NFIB: variants seen among roughly 807,000 people sequenced by gnomAD.
NFIB encodes nuclear factor 1 B-type.
A neutral mutation model predicts 61.5 loss-of-function variants in NFIB; 11 were observed. That is an observed-to-expected ratio of 0.18 (90% CI 0.11 to 0.30). The LOEUF (loss-of-function observed/expected upper bound fraction) is 0.30, where lower values mean the gene tolerates loss of function less well. NFIB is among the 10% of genes least tolerant of loss of function. NFIB has a pLI of 1.00. For missense variants in NFIB, 471 were observed against 608.9 expected (o/e 0.77, Z 2.38); for synonymous variants, 260 against 216.5 (o/e 1.20, Z -1.76).
the NFIB span, among the ~76,000 whole-genome samples, chr9:14,461,708 A>C: frequency 1.7e-3 from 255 of 152,270 alleles, no homozygotes; most frequent in Non-Finnish European, 1.7e-3. Flanking sequence ...GTTTAATTCC[A>C]TCTATTCAGC....
At chr9:14,225,456 C>CAAAAAAAAAAAAAAAAAAAAAAAAAAAA (rs1228589594) in intron 2 of NFIB, among the ~76,000 whole-genome samples, 2 of 58,014 alleles carry the variant, frequency 3.4e-5, no homozygotes, top group African/African-American at 4.5e-5. Flanking sequence ...GACTCCGTCT[C>CAAAAAAAAAAAAAAAAAAAAAAAAAAAA]AAAAAAAAAA....
chr9:14,229,599 T>C (rs1265196484), intron 2 of NFIB, among the ~76,000 whole-genome samples: 6 of 152,228 alleles, frequency 3.9e-5, no homozygotes. Context: ...TCTTCCTTTC[T>C]GCTGAGGAAG....
At chr9:14,386,087 G>A (rs997696073) in intron 1 of NFIB, among the ~76,000 whole-genome samples, 17 of 152,208 alleles carry the variant, frequency 1.1e-4, no homozygotes, top group East Asian at 5.8e-4. Context: ...TCGGTGACAC[G>A]GTGGAATTTT....
At chr9:14,315,045 G>A (rs1210720506), upstream of NFIB, among the ~76,000 whole-genome samples, 1 of 151,846 alleles carries the variant, frequency 6.6e-6, no homozygotes, top group Non-Finnish European at 1.5e-5. Context: ...CCCGGGGCGG[G>A]CTCAGTCCGC....
chr9:14,392,308 G>C (rs1275328885), intron 1 of NFIB, among the ~76,000 whole-genome samples: 2 of 152,212 alleles, frequency 1.3e-5, no homozygotes, highest in African/African-American at 4.8e-5. Flanking sequence ...ATTGGTTTCT[G>C]AATTGTGACA....
At chr9:14,347,958 C>T (rs1173220174) in intron 1 of NFIB, among the ~76,000 whole-genome samples, 2 of 152,160 alleles carry the variant, frequency 1.3e-5, no homozygotes, top group Non-Finnish European at 2.9e-5. Context: ...CTGGTCTCCG[C>T]GCACCACGTG....
the NFIB span, among the ~76,000 whole-genome samples, chr9:14,491,515 G>A: frequency 6.6e-6 from 1 of 152,210 alleles, no homozygotes; most frequent in Non-Finnish European, 1.5e-5. Flanking sequence ...ATAGGGCTGA[G>A]AGAAAGTCAT....
At chr9:14,245,162 A>C (rs2054775593) in intron 2 of NFIB, among the ~76,000 whole-genome samples, 1 of 152,180 alleles carries the variant, frequency 6.6e-6, no homozygotes, top group South Asian at 2.1e-4. Flanking sequence ...TAGAAGAAAA[A>C]AACTGAACAA....
chr9:14,096,028 C>G (rs2034731296), intron 10 of NFIB, among the ~76,000 whole-genome samples: 1 of 152,022 alleles, frequency 6.6e-6, no homozygotes, highest in Non-Finnish European at 1.5e-5. Flanking sequence ...CATTCATAGT[C>G]TTTGTTATTT....
At position 14,082,440 on chromosome 9, in the gene NFIB, T is replaced by A. The variant is rs1412932043; in HGVS notation, c.*5869A>T. 4 of 203,938 alleles carry A rather than the reference T, an allele frequency of 2.0e-5. No individual in the cohort carries two copies. Among genetic ancestry groups the A allele is most frequent in the Non-Finnish European group, 4.0e-5 (4 of 99,288 alleles). 12.6% of individuals were successfully genotyped at this position (203,938 alleles called of 1,614,324 possible). A position where few individuals can be genotyped will look rare whatever the true frequency, so the allele number is the denominator to read the frequency against. On this transcript the variant is annotated 3_prime_UTR_variant, in exon 11 of 11. Transcript: ENST00000380953. ...CAGCTCTTCCCAGGATGCTAAAAGT[T>A]CTATATGATATAAGCACAAATTAAC...
Position 14,115,814 on chromosome 9 carries a change from A to G in NFIB, c.1384+394T>C, listed in dbSNP as rs577152887. ...CTTTGTGAAGGGGCTTGATTTCTAT[A>G]GGAATGCTCCAATAAGTACCAATTA... On this transcript the variant is annotated intron_variant, in intron 9 of 10. Transcript: ENST00000380953. 1.4e-3 allele frequency among the ~76,000 whole-genome samples: 215 copies of G among 152,354 alleles called. 1 individual carries two copies. Among genetic ancestry groups the G allele is most frequent in the African/African-American group, 4.7e-3 (196 of 41,594 alleles).
At chr9:14,138,892 ATGTGTG>A (rs36000888) in intron 6 of NFIB, among the ~76,000 whole-genome samples, 3 of 149,154 alleles carry the variant, frequency 2.0e-5, no homozygotes, top group African/African-American at 4.9e-5. Context: ...TAGTTGATTT[ATGTGTG>A]TGTGTGTGTG....
the NFIB span, among the ~76,000 whole-genome samples, chr9:14,458,768 T>C: frequency 1.3e-5 from 2 of 151,988 alleles, no homozygotes; most frequent in Admixed American, 1.3e-4. Flanking sequence ...CCATTCACAA[T>C]TGCTTCAAAG....
chr9:14,388,467 AAGAGAG>A (rs149904785), intron 1 of NFIB, among the ~76,000 whole-genome samples: 370 of 143,486 alleles, frequency 2.6e-3, no homozygotes, highest in Middle Eastern at 7.2e-3. Context: ...GAGAAAGAAA[AAGAGAG>A]AGAGAGAGAG....
chr9:14,181,014 G>C (rs1340300505), intron 2 of NFIB, among the ~76,000 whole-genome samples: 14 of 152,132 alleles, frequency 9.2e-5, no homozygotes, highest in African/African-American at 3.4e-4. Flanking sequence ...AAAGTGATTT[G>C]GTTAAGCAGG....
At chr9:14,095,790 G>C (rs1400619241) in intron 10 of NFIB, among the ~76,000 whole-genome samples, 1 of 152,136 alleles carries the variant, frequency 6.6e-6, no homozygotes, top group Non-Finnish European at 1.5e-5. Context: ...AATTACAAAT[G>C]ATTAAAGAAC....
chr9:14,347,151 TAA>T (rs3081608), intron 1 of NFIB, among the ~76,000 whole-genome samples: 49,081 of 142,070 alleles, frequency 0.35, 8,435 homozygotes, highest in Middle Eastern at 0.56. Context: ...GGTGGGATCT[TAA>T]AAAAAAAAAA....
chr9:14,224,665 G>A (rs1045271664), intron 2 of NFIB, among the ~76,000 whole-genome samples: 4 of 152,190 alleles, frequency 2.6e-5, no homozygotes, highest in African/African-American at 9.7e-5. Flanking sequence ...GGGAGGATGT[G>A]CACAGGTTAC....
chr9:14,114,768 C>G (rs1015694796), intron 9 of NFIB, among the ~76,000 whole-genome samples: 2 of 152,152 alleles, frequency 1.3e-5, no homozygotes, highest in African/African-American at 4.8e-5. Context: ...CAAGAGTAGG[C>G]ATCAGAGTTT....
Sources: allele counts gnomAD v4.1 joint callset (sites outside exome capture counted in the v4.1 genomes callset), GRCh38; gene constraint gnomAD v4.1.1; transcripts MANE v1.5; gene names NCBI Gene and HGNC (gene_info 2026-07-23, HGNC 2026-07-21).